MGAT4C: variants seen among roughly 807,000 people sequenced by gnomAD.
The protein encoded by MGAT4C is MGAT4 family member C.
Under a neutral mutation model 40.1 loss-of-function variants are expected in MGAT4C, and 19 were observed. That is an observed-to-expected ratio of 0.47 (90% CI 0.33 to 0.70). MGAT4C has a LOEUF of 0.70. Among genes scored for constraint, MGAT4C ranks in the 30% least tolerant of loss-of-function variants. The pLI is 0.02. For missense variants in MGAT4C, 491 were observed against 563.2 expected (o/e 0.87, Z 1.30); for synonymous variants, 181 against 187.1 (o/e 0.97, Z 0.27).
At chr12:86,644,253 A>T (rs1963474513) in intron 2 of MGAT4C, among the ~76,000 whole-genome samples, 1 of 151,792 alleles carries the variant, frequency 6.6e-6, no homozygotes, top group Non-Finnish European at 1.5e-5. Context: ...GAATAAACTA[A>T]GAATCTTACT....
chr12:86,107,901 G>A (rs1876503067), intron 1 of MGAT4C, among the ~76,000 whole-genome samples: 2 of 152,042 alleles, frequency 1.3e-5, no homozygotes, highest in Admixed American at 6.6e-5. Flanking sequence ...AAATGTTACT[G>A]TGGAAATGCT....
At chr12:86,659,271 C>A (rs2136545708) in intron 2 of MGAT4C, among the ~76,000 whole-genome samples, 1 of 152,018 alleles carries the variant, frequency 6.6e-6, no homozygotes, top group Admixed American at 6.6e-5. Flanking sequence ...GTGTCTAGTT[C>A]AGTTATTCTA....
intron 2 of MGAT4C, among the ~76,000 whole-genome samples, chr12:86,672,764 T>G (rs992424361): frequency 2.6e-5 from 4 of 152,070 alleles, no homozygotes; most frequent in Non-Finnish European, 4.4e-5. Context: ...ATAGGGAGGT[T>G]GGCAGGCAGG....
intron 2 of MGAT4C, among the ~76,000 whole-genome samples, chr12:86,645,368 G>A (rs78222033): frequency 0.086 from 13,036 of 151,454 alleles, 899 homozygotes; most frequent in African/African-American, 0.19. Flanking sequence ...AAAATGATAA[G>A]CAACATTAAA....
At chr12:86,079,903 G>A (rs1221126766) in intron 1 of MGAT4C, among the ~76,000 whole-genome samples, 5 of 151,996 alleles carry the variant, frequency 3.3e-5, no homozygotes, top group South Asian at 2.1e-4. Flanking sequence ...ATTCCAGGTC[G>A]TGCTCATTGA....
chr12:85,993,176 A>C (rs1229023076), intron 2 of MGAT4C, among the ~76,000 whole-genome samples: 1 of 152,214 alleles, frequency 6.6e-6, no homozygotes, highest in East Asian at 1.9e-4. Context: ...AACCTAAGTA[A>C]TTGAGCTCTC....
chr12:86,444,700 T>C (rs1957301980), intron 2 of MGAT4C, among the ~76,000 whole-genome samples: 1 of 152,178 alleles, frequency 6.6e-6, no homozygotes, highest in Non-Finnish European at 1.5e-5. Flanking sequence ...AATGTTTTAT[T>C]CTAACAAAAA....
At chr12:86,698,750 T>G (rs1950304162) in intron 2 of MGAT4C, among the ~76,000 whole-genome samples, 1 of 152,092 alleles carries the variant, frequency 6.6e-6, no homozygotes, top group Non-Finnish European at 1.5e-5. Flanking sequence ...TTCAGTTTAT[T>G]CACTTGGTTT....
intron 1 of MGAT4C, among the ~76,000 whole-genome samples, chr12:86,774,347 C>CTTTCTT: frequency 2.4e-5 from 1 of 42,364 alleles, no homozygotes; most frequent in Non-Finnish European, 5.9e-5. Context: ...TTCTGTCTCT[C>CTTTCTT]TCTCTCCCCT....
intron 2 of MGAT4C, among the ~76,000 whole-genome samples, chr12:86,634,454 A>G (rs959159920): frequency 2.0e-5 from 3 of 152,156 alleles, no homozygotes; most frequent in African/African-American, 4.8e-5. Flanking sequence ...TACAATTATT[A>G]TAGTTCCTGT....
chr12:86,368,883 T>C (rs1038477859), intron 3 of MGAT4C, among the ~76,000 whole-genome samples: 1 of 152,022 alleles, frequency 6.6e-6, no homozygotes, highest in Non-Finnish European at 1.5e-5. Context: ...TTTCTATATA[T>C]GCTCATTTCT....
intron 1 of MGAT4C, among the ~76,000 whole-genome samples, chr12:86,239,267 T>A (rs1331840274): frequency 6.6e-6 from 1 of 152,074 alleles, no homozygotes; most frequent in Non-Finnish European, 1.5e-5. Context: ...TTTGATAACA[T>A]GAAAATTTTT....
intron 3 of MGAT4C, among the ~76,000 whole-genome samples, chr12:86,367,009 A>AT: frequency 6.6e-6 from 1 of 152,116 alleles, no homozygotes; most frequent in African/African-American, 2.4e-5. Context: ...GAAAGTGTTA[A>AT]AAGTAACACC....
chr12:86,178,404 G>A (rs1433636741), intron 1 of MGAT4C, among the ~76,000 whole-genome samples: 3 of 152,162 alleles, frequency 2.0e-5, no homozygotes, highest in African/African-American at 7.2e-5. Flanking sequence ...TTGACCGAGG[G>A]CATGGATGTT....
intron 1 of MGAT4C, among the ~76,000 whole-genome samples, chr12:86,139,506 T>A (rs839182): frequency 0.8 from 121,197 of 151,766 alleles, 48,957 homozygotes; most frequent in East Asian, 1. Context: ...AATCTTTTTT[T>A]AAAATTTTCA....
At chr12:86,107,163 T>G (rs1592955634) in intron 1 of MGAT4C, among the ~76,000 whole-genome samples, 2 of 152,338 alleles carry the variant, frequency 1.3e-5, no homozygotes, top group Admixed American at 1.3e-4. Context: ...CAGGGCTGGA[T>G]AATCTAGCTC....
At chr12:86,072,026 T>TTGTG (rs71076158) in intron 1 of MGAT4C, among the ~76,000 whole-genome samples, 1,576 of 149,048 alleles carry the variant, frequency 0.011, 16 homozygotes, top group African/African-American at 0.032. Context: ...GCATAGGGTT[T>TTGTG]TGTGTGTGTG....
chr12:86,800,427 T>C (rs1952204901), intron 1 of MGAT4C, among the ~76,000 whole-genome samples: 1 of 151,864 alleles, frequency 6.6e-6, no homozygotes, highest in South Asian at 2.1e-4. Context: ...CACTTTATAA[T>C]CAATACTTGA....
chr12:86,506,632 T>C (rs1403808553), intron 2 of MGAT4C, among the ~76,000 whole-genome samples: 1 of 152,212 alleles, frequency 6.6e-6, no homozygotes, highest in Non-Finnish European at 1.5e-5. Context: ...TACATATAAA[T>C]ACATTAGGCC....
Sources: gnomAD v4.1 joint callset for allele counts (sites outside exome capture counted in the v4.1 genomes callset) on GRCh38, gnomAD v4.1.1 for gene constraint, MANE v1.5 for transcripts, NCBI Gene and HGNC (gene_info 2026-07-23, HGNC 2026-07-21) for gene names.